The following DSCAM variants were observed in gnomAD, a reference collection of about 807,000 sequenced individuals.
DSCAM encodes the protein DS cell adhesion molecule.
DSCAM carries 47 observed loss-of-function variants against 217.7 expected under a neutral mutation model. That is an observed-to-expected ratio of 0.22 (90% CI 0.17 to 0.28). The LOEUF (loss-of-function observed/expected upper bound fraction) is 0.28, where lower values mean the gene tolerates loss of function less well. Among genes scored for constraint, DSCAM ranks in the 10% least tolerant of loss-of-function variants. The pLI is 1.00. For synonymous variants in DSCAM, 1,056 were observed against 1,015.3 expected, an observed-to-expected ratio of 1.04 and a Z score of -0.76; for missense variants, 2,080 against 2,618.3, an observed-to-expected ratio of 0.79 and a Z score of 4.49.
chr21:40,430,297 C>T (rs1183900045), intron 3 of DSCAM, among the ~76,000 whole-genome samples: 1 of 152,160 alleles, frequency 6.6e-6, no homozygotes, highest in East Asian at 1.9e-4. Flanking sequence ...AGTATTGATC[C>T]TGGGTGTGTC....
intron 6 of DSCAM, 79 bp downstream of exon 6, chr21:40,347,591 T>C: frequency 1.3e-6 from 2 of 1,582,200 alleles, no homozygotes; most frequent in Non-Finnish European, 1.7e-6. Context: ...TCAGCACTGC[T>C]TCACCCTGTC....
At chr21:40,685,477 T>C (rs1240524487) in intron 3 of DSCAM, among the ~76,000 whole-genome samples, 2 of 152,196 alleles carry the variant, frequency 1.3e-5, no homozygotes, top group East Asian at 1.9e-4. Context: ...AAAGGAAACC[T>C]TGGCCACTGA....
chr21:40,565,932 C>A (rs2076760823), intron 3 of DSCAM, among the ~76,000 whole-genome samples: 1 of 152,130 alleles, frequency 6.6e-6, no homozygotes, highest in Non-Finnish European at 1.5e-5. Context: ...CAACATGTAC[C>A]CTTTTATATC....
At chr21:40,711,638 T>C (rs1014153352) in intron 1 of DSCAM, among the ~76,000 whole-genome samples, 2 of 152,222 alleles carry the variant, frequency 1.3e-5, no homozygotes, top group African/African-American at 4.8e-5. Context: ...AGATCCTATG[T>C]TGAGTCCTAC....
chr21:40,573,435 T>G (rs980204270), intron 3 of DSCAM, among the ~76,000 whole-genome samples: 2 of 152,126 alleles, frequency 1.3e-5, no homozygotes, highest in Non-Finnish European at 2.9e-5. Context: ...AAACAGATGA[T>G]GACCTATAGA....
At chr21:40,545,565 G>A (rs2076575466) in intron 3 of DSCAM, among the ~76,000 whole-genome samples, 1 of 152,046 alleles carries the variant, frequency 6.6e-6, no homozygotes, top group Admixed American at 6.6e-5. Context: ...ACACAAAGAG[G>A]CATGACCTTT....
intron 3 of DSCAM, among the ~76,000 whole-genome samples, chr21:40,637,623 A>AAATATATATATAAATATATAT (rs1491156074): frequency 2.2e-5 from 1 of 45,702 alleles, no homozygotes; most frequent in Non-Finnish European, 3.9e-5. Context: ...ATAAATATAT[A>AAATATATATATAAATATATAT]CATATATAAA....
At chr21:40,528,108 T>C (rs2076414362) in intron 3 of DSCAM, among the ~76,000 whole-genome samples, 1 of 152,244 alleles carries the variant, frequency 6.6e-6, no homozygotes, top group African/African-American at 2.4e-5. Context: ...CATGTTCTGA[T>C]GATGACTTCA....
intron 1 of DSCAM, among the ~76,000 whole-genome samples, chr21:40,799,544 A>G (rs2091720434): frequency 6.6e-6 from 1 of 152,224 alleles, no homozygotes; most frequent in Admixed American, 6.5e-5. Context: ...TCACAGAACT[A>G]AACTCAAGAT....
At position 40,430,394 on chromosome 21, in the gene DSCAM, A is replaced by G. The variant is rs182109904; in HGVS notation, c.509-61149T>C. On this transcript the variant is annotated intron_variant, in intron 3 of 32. Transcript: ENST00000400454. ...CCCTTAATTTGTTGGGCACAATCTA[A>G]TCAGCTGCCAGCAAATATTAAGCAG... is the stretch of plus-strand genomic sequence containing the variant. Among the ~76,000 whole-genome samples, 4 of 152,326 alleles carry G rather than the reference A, an allele frequency of 2.6e-5. No homozygotes were observed. In the East Asian group the frequency reaches 5.8e-4, roughly 22 times the overall value.
chr21:40,608,924 T>C (rs879285853), intron 3 of DSCAM, among the ~76,000 whole-genome samples: 12 of 152,160 alleles, frequency 7.9e-5, no homozygotes, highest in South Asian at 2.1e-4. Context: ...TAAAGTGTTT[T>C]GAATAAGTTG....
intron 8 of DSCAM, among the ~76,000 whole-genome samples, chr21:40,327,094 T>C (rs897043058): frequency 6.6e-6 from 1 of 152,092 alleles, no homozygotes; most frequent in African/African-American, 2.4e-5. Flanking sequence ...CGCATGGTTC[T>C]GAATAATTGA....
intron 11 of DSCAM, among the ~76,000 whole-genome samples, chr21:40,271,062 C>G (rs1423920239): frequency 6.6e-6 from 1 of 152,194 alleles, no homozygotes; most frequent in Non-Finnish European, 1.5e-5. Flanking sequence ...GGAGATCTGT[C>G]CAGAAATAGC....
chr21:40,453,040 TTGTGTGTGTGTGTG>T (rs3069917), intron 3 of DSCAM, among the ~76,000 whole-genome samples: 2,366 of 134,404 alleles, frequency 0.018, 41 homozygotes, highest in South Asian at 0.093. Context: ...TTTAAAGACT[TTGTGTGTGTGTGTG>T]TGTGTGTGTG....
intron 3 of DSCAM, among the ~76,000 whole-genome samples, chr21:40,617,708 ACTGT>A (rs992576108): frequency 5.3e-5 from 8 of 152,168 alleles, no homozygotes; most frequent in African/African-American, 1.9e-4. Flanking sequence ...TATGGTTGAA[ACTGT>A]CTGCTGACAT....
At chr21:40,342,741 A>G (rs2074512090) in intron 6 of DSCAM, among the ~76,000 whole-genome samples, 1 of 112,444 alleles carries the variant, frequency 8.9e-6, no homozygotes, top group African/African-American at 3.7e-5. Context: ...GGTGCACACC[A>G]CGCCTTTTTT....
rs545021158 is a variant in DSCAM, at chr21:40,617,466, C to T, written c.508+75344G>A. 3.9e-5 allele frequency among the ~76,000 whole-genome samples: 6 copies of T among 152,206 alleles called. No individual in the cohort carries two copies. In the South Asian group the frequency reaches 1.2e-3, roughly 32 times the overall value. ...AAATGTTGCTGCTGCCATCACAGAA[C>T]ACCAGAGGCCACAATCTACCCCCTC... On this transcript the variant is annotated intron_variant, in intron 3 of 32. Coordinates refer to ENST00000400454, the MANE Select transcript of DSCAM (RefSeq NM_001389.5).
At chr21:40,487,030 G>T (rs183789698) in intron 3 of DSCAM, among the ~76,000 whole-genome samples, 5 of 152,178 alleles carry the variant, frequency 3.3e-5, no homozygotes, top group Admixed American at 2.6e-4. Context: ...GTAAGCAGGT[G>T]GTAACAACAA....
At chr21:40,036,963 A>G (rs545481094) in intron 32 of DSCAM, among the ~76,000 whole-genome samples, 19 of 150,776 alleles carry the variant, frequency 1.3e-4, no homozygotes, top group Non-Finnish European at 2.8e-4. Flanking sequence ...ACAAAATTCA[A>G]CAACCCTTCA....
Sources: allele counts gnomAD v4.1 joint callset (sites outside exome capture counted in the v4.1 genomes callset), GRCh38; gene constraint gnomAD v4.1.1; transcripts MANE v1.5; gene names NCBI Gene and HGNC (gene_info 2026-07-23, HGNC 2026-07-21).